Variants in ZNF516 observed in about 807,000 individuals in gnomAD.
ZNF516 encodes the protein zinc finger protein 516.
ZNF516 carries 19 observed loss-of-function variants against 79.7 expected under a neutral mutation model. The observed-to-expected ratio is 0.24, with a 90% CI of 0.17 to 0.35. The LOEUF (loss-of-function observed/expected upper bound fraction) is 0.35, where lower values mean the gene tolerates loss of function less well. Among genes scored for constraint, ZNF516 ranks in the 10% least tolerant of loss-of-function variants. ZNF516 has a pLI of 1.00. For synonymous variants in ZNF516, 877 were observed against 739.5 expected, an observed-to-expected ratio of 1.19 and a Z score of -3.02; for missense variants, 1,678 against 1,679.5, an observed-to-expected ratio of 1.00 and a Z score of 0.02.
At chr18:76,433,370 G>C (rs991513435) in intron 3 of ZNF516, among the ~76,000 whole-genome samples, 1 of 152,206 alleles carries the variant, frequency 6.6e-6, no homozygotes, top group Admixed American at 6.5e-5. Context: ...GAAAAAGCAG[G>C]TCTGGCCCCT....
chr18:76,404,800 C>A (rs1044722188), intron 3 of ZNF516, among the ~76,000 whole-genome samples: 3 of 151,450 alleles, frequency 2.0e-5, no homozygotes, highest in African/African-American at 7.3e-5. Flanking sequence ...CATATGTGTG[C>A]ATGTTAGCAT....
chr18:76,387,671 G>A (rs1227317082), intron 3 of ZNF516: 1 of 152,212 alleles, frequency 6.6e-6, no homozygotes, highest in Non-Finnish European at 1.5e-5. Context: ...TGACAGTCTT[G>A]GGGACAGGAA....
At chr18:76,423,620 G>A (rs560870736) in intron 3 of ZNF516, among the ~76,000 whole-genome samples, 2 of 53,644 alleles carry the variant, frequency 3.7e-5, no homozygotes, top group African/African-American at 6.0e-5. Context: ...ACACCCACAC[G>A]CAGGTGAAAG....
intron 1 of ZNF516, chr18:76,492,505 C>A: frequency 2.4e-6 from 1 of 413,750 alleles, no homozygotes; most frequent in Non-Finnish European, 3.3e-6. Flanking sequence ...TAGGCATCAA[C>A]TCCCAGTGAG....
chr18:76,436,194 T>C (rs2145490927), intron 3 of ZNF516, among the ~76,000 whole-genome samples: 1 of 152,318 alleles, frequency 6.6e-6, no homozygotes, highest in South Asian at 2.1e-4. Context: ...TGCAAGCTCC[T>C]GTTTAATAGA....
rs547065405 is a variant in ZNF516 at position 76,488,915 on chromosome 18, G to T, written c.-272+6229C>A. ...ACCACTTTTAATTAGGTAATTAACAGAAGTCCTTTTCCCCTAAATCAAAAT... is the reference window on the plus strand; with the variant it reads ...ACCACTTTTAATTAGGTAATTAACATAAGTCCTTTTCCCCTAAATCAAAAT... On this transcript the variant is annotated intron_variant, in intron 1 of 6. Transcript: ENST00000443185. Among the ~76,000 whole-genome samples, 19 of 152,270 alleles carry T rather than the reference G, an allele frequency of 1.2e-4. No homozygotes were observed. In the East Asian group the frequency reaches 2.1e-3, roughly 17 times the overall value.
intron 2 of ZNF516, among the ~76,000 whole-genome samples, chr18:76,445,035 G>GC (rs1911957632): frequency 6.6e-6 from 1 of 152,196 alleles, no homozygotes; most frequent in African/African-American, 2.4e-5. Context: ...GCAGAGCCAT[G>GC]CAACAGAGCG....
In ZNF516 at chr18:76,379,468, A is replaced by C; in HGVS notation, c.2646T>G (p.Pro882=). 1 of 1,613,616 alleles carries C rather than the reference A, an allele frequency of 6.2e-7. No individual in the cohort carries two copies. The highest frequency in any genetic ancestry group is 1.1e-5 in the South Asian group (1 of 91,090). Residue 882 remains proline (P), a synonymous_variant, in exon 4 of 7, where the codon CCT becomes CCG. Transcript: ENST00000443185. ...GGPCALWAPG[P]DGYRQTKPCH... ...AAGGTTTGGTCTGTCGATACCCGTC[A>C]GGGCCGGGCGCCCACAGAGCGCAGG...
chr18:76,382,709 G>A (rs980611852), intron 3 of ZNF516, among the ~76,000 whole-genome samples: 8 of 152,200 alleles, frequency 5.3e-5, no homozygotes, highest in African/African-American at 1.7e-4. Flanking sequence ...CCAGGAGTTC[G>A]AGACCAGCCT....
intron 1 of ZNF516, among the ~76,000 whole-genome samples, chr18:76,477,437 G>A (rs1914239387): frequency 6.6e-6 from 1 of 152,156 alleles, no homozygotes; most frequent in Non-Finnish European, 1.5e-5. Flanking sequence ...CCCACAATGA[G>A]GAAGCAATTT....
chr18:76,471,637 C>A (rs1204314868), intron 1 of ZNF516, among the ~76,000 whole-genome samples: 1 of 152,228 alleles, frequency 6.6e-6, no homozygotes, highest in African/African-American at 2.4e-5. Flanking sequence ...CAGCCAGGCA[C>A]CAGTCGGGGC....
At chr18:76,400,778 A>G (rs2075208729) in intron 3 of ZNF516, among the ~76,000 whole-genome samples, 1 of 152,240 alleles carries the variant, frequency 6.6e-6, no homozygotes, top group Non-Finnish European at 1.5e-5. Flanking sequence ...ATAAATATTG[A>G]GTCTCAGAAG....
chr18:76,420,948 T>A lies in ZNF516; in HGVS notation c.1810+20297A>T, dbSNP rs562245851. On this transcript the variant is annotated intron_variant, in intron 3 of 6. Transcript: ENST00000443185. The stretch of plus-strand genomic sequence containing the variant: ...CCAAAAAATGGATTTGCTTTATAAA[T>A]CATGAATTTTGGTGGTGCCCAAAAG... Among the ~76,000 whole-genome samples, 4 of 152,256 alleles carry A rather than the reference T, an allele frequency of 2.6e-5. No homozygotes were observed. The South Asian group carries it at 8.3e-4, about 32-fold the overall frequency.
At position 76,378,953 on chromosome 18, in the gene ZNF516, C is replaced by T. The variant is rs377424746; in HGVS notation, c.3161G>A (p.Arg1054His). The change falls in exon 4 of 7, where the codon CGC becomes CAC. Residue 1054 changes from arginine to histidine, a missense_variant. Arg to His is a conservative substitution (Grantham distance 29, BLOSUM62 0). Around this residue, in one of 5 missense-constraint regions of ZNF516, gnomAD observed 1,294 missense variants for 1,248.3 expected, o/e 1.04. Coordinates refer to ENST00000443185, the MANE Select transcript of ZNF516 (RefSeq NM_014643.4). ...CTTAAAGATGTTGAGGATGTCCAGG[C>T]GCTTCTCATGCCCCTCGGCCACCGG... ...QEPVAEGHEK[R>H]LDILNIFKTY... 81 of 1,613,656 alleles carry T rather than the reference C, an allele frequency of 5.0e-5. No individual in the cohort carries two copies. The highest frequency in any genetic ancestry group is 9.3e-5 in the African/African-American group (7 of 74,916).
intron 1 of ZNF516, among the ~76,000 whole-genome samples, chr18:76,475,939 C>G (rs191123172): frequency 5.3e-5 from 8 of 152,322 alleles, no homozygotes; most frequent in Admixed American, 1.3e-4. Context: ...TGGCATAGAG[C>G]AGGCGCTCAA....
rs552372546 is a variant in ZNF516, at chr18:76,412,400, C to T, written c.1810+28845G>A. Among the ~76,000 whole-genome samples, 18 of 152,294 alleles carry T rather than the reference C, an allele frequency of 1.2e-4. No homozygotes were observed. The East Asian group carries it at 3.5e-3, about 29-fold the overall frequency. On this transcript the variant is annotated intron_variant, in intron 3 of 6. Coordinates refer to ENST00000443185, the MANE Select transcript of ZNF516 (RefSeq NM_014643.4). The stretch of plus-strand genomic sequence containing the variant: ...CCACTCCAGCCCAAGGCTCTCCTCC[C>T]CTCCTGGGAGGGCCATTCCTACTCT...
At chr18:76,386,718 A>G (rs2074998027) in intron 3 of ZNF516, 1 of 152,150 alleles carries the variant, frequency 6.6e-6, no homozygotes, top group South Asian at 2.1e-4. Flanking sequence ...CTCGTTCTAC[A>G]TTTTTCAACC....
chr18:76,380,044 A>G lies in ZNF516; in HGVS notation c.2070T>C (p.Gly690=). The G allele has an allele frequency of 6.2e-7, 1 of 1,613,852 alleles. No individual in the cohort carries two copies. The highest frequency in any genetic ancestry group is 8.5e-7 in the Non-Finnish European group (1 of 1,179,848). The change falls in exon 4 of 7, where the codon GGT becomes GGC. Residue 690 remains glycine, a synonymous_variant. Transcript: ENST00000443185. The part of the protein sequence containing the change: ...PKQEVPVPGD[G]VEFPSSTGAE... The stretch of plus-strand genomic sequence containing the variant: ...CTCCCGTACTGGAAGGGAACTCCAC[A>G]CCATCACCAGGGACGGGCACCTCCT...
At chr18:76,425,013 A>G (rs547395606) in intron 3 of ZNF516, among the ~76,000 whole-genome samples, 3 of 142,766 alleles carry the variant, frequency 2.1e-5, no homozygotes, top group Non-Finnish European at 3.1e-5. Flanking sequence ...AAACACACAC[A>G]CAGGTGAAAA....
Sources: gnomAD v4.1 joint callset for allele counts (sites outside exome capture counted in the v4.1 genomes callset) on GRCh38, gnomAD v4.1.1 for gene constraint, gnomAD v4.1.1 regional missense constraint, MANE v1.5 for transcripts, NCBI Gene and HGNC (gene_info 2026-07-23, HGNC 2026-07-21) for gene names.